Variants in LRRC4C observed in about 807,000 individuals in gnomAD.
The protein encoded by LRRC4C is leucine rich repeat containing 4C.
In LRRC4C, 5 loss-of-function variants were observed where a neutral mutation model predicts 33.6. The observed-to-expected ratio is 0.15, with a 90% CI of 0.08 to 0.31. The LOEUF (loss-of-function observed/expected upper bound fraction) is 0.31, where lower values mean the gene tolerates loss of function less well. Ranked by LOEUF, LRRC4C falls within the 10% of genes least tolerant of loss-of-function variation. The pLI is 1.00. For synonymous variants in LRRC4C, 329 were observed against 302.0 expected (o/e 1.09, Z -0.93); for missense variants, 560 against 796.7 (o/e 0.70, Z 3.58).
chr11:40,838,227 G>C (rs1952762086), intron 2 of LRRC4C, among the ~76,000 whole-genome samples: 1 of 152,150 alleles, frequency 6.6e-6, no homozygotes, highest in African/African-American at 2.4e-5. Context: ...GAGAGGAATA[G>C]GTCCATGTGT....
intron 2 of LRRC4C, among the ~76,000 whole-genome samples, chr11:40,680,604 C>T (rs1023183883): frequency 5.3e-5 from 8 of 152,156 alleles, no homozygotes; most frequent in African/African-American, 1.9e-4. Context: ...ATGAGTTTCT[C>T]TGCACAAGCT....
At chr11:40,451,112 A>G (rs1478564280) in intron 3 of LRRC4C, among the ~76,000 whole-genome samples, 2 of 151,812 alleles carry the variant, frequency 1.3e-5, no homozygotes, top group African/African-American at 4.8e-5. Flanking sequence ...ACAATGAAAA[A>G]AAACCTAGAA....
rs1564980382 is a variant in LRRC4C, at chr11:40,725,694, A to G, written c.-406-77416T>C. Among the ~76,000 whole-genome samples, 7 of 152,346 alleles carry G rather than the reference A, an allele frequency of 4.6e-5. 1 individual carries two copies. The South Asian group carries it at 1.4e-3, about 32-fold the overall frequency. On this transcript the variant is annotated intron_variant, in intron 2 of 6. Transcript: ENST00000528697. Reference sequence around the variant, plus strand: ...CATATAATGCATAAAGAAACATGTTATCAAACTGCACAGCTGTTAAAAGTT... The same window carrying G: ...CATATAATGCATAAAGAAACATGTTGTCAAACTGCACAGCTGTTAAAAGTT...
chr11:40,948,461 C>A (rs1849017234), intron 1 of LRRC4C, among the ~76,000 whole-genome samples: 1 of 150,518 alleles, frequency 6.6e-6, no homozygotes, highest in South Asian at 2.1e-4. Context: ...TGGTGCGCTG[C>A]ACCCACTAAC....
At chr11:41,029,598 A>G (rs1031599030) in intron 1 of LRRC4C, among the ~76,000 whole-genome samples, 1 of 151,788 alleles carries the variant, frequency 6.6e-6, no homozygotes, top group Non-Finnish European at 1.5e-5. Context: ...TTGTAATTAC[A>G]TTAGCTTTGG....
rs186039347 is a variant in LRRC4C at position 40,330,606 on chromosome 11, T to G, written c.-269-10885A>C. ...TGGGGAGGACTCAGGAAACTTACTA[T>G]CATGGCGGAAGGCACCTCTTCACAG... On this transcript the variant is annotated intron_variant, in intron 3 of 6. Transcript: ENST00000528697. Among the ~76,000 whole-genome samples, 321 of 152,240 alleles carry G rather than the reference T, an allele frequency of 2.1e-3. 1 individual carries two copies. Among genetic ancestry groups the G allele is most frequent in the African/African-American group, 7.4e-3 (309 of 41,534 alleles).
At chr11:40,321,815 T>C (rs935113865) in intron 3 of LRRC4C, among the ~76,000 whole-genome samples, 2 of 152,228 alleles carry the variant, frequency 1.3e-5, no homozygotes, top group African/African-American at 2.4e-5. Flanking sequence ...ATTTCAATTG[T>C]ATGTTCAGGG....
intron 2 of LRRC4C, among the ~76,000 whole-genome samples, chr11:40,871,597 G>A (rs1005467511): frequency 2.6e-5 from 4 of 152,066 alleles, no homozygotes; most frequent in African/African-American, 9.7e-5. Flanking sequence ...TTTTGTATCC[G>A]TTTATGCACA....
intron 1 of LRRC4C, among the ~76,000 whole-genome samples, chr11:41,167,944 C>A (rs947021265): frequency 1.3e-5 from 2 of 152,146 alleles, no homozygotes; most frequent in Non-Finnish European, 2.9e-5. Context: ...AATTGACTAC[C>A]TGATAAAAAT....
chr11:40,893,704 G>T (rs1185555254), intron 2 of LRRC4C, among the ~76,000 whole-genome samples: 1 of 151,866 alleles, frequency 6.6e-6, no homozygotes, highest in Admixed American at 6.6e-5. Context: ...ACCAAATTAT[G>T]GTCACGGAAG....
intron 3 of LRRC4C, chr11:40,446,435 C>T (rs925243789): frequency 3.4e-4 from 51 of 152,224 alleles, no homozygotes; most frequent in African/African-American, 9.4e-4. Flanking sequence ...TAAAATTATA[C>T]GTTTCCTTTT....
intron 2 of LRRC4C, among the ~76,000 whole-genome samples, chr11:40,809,861 A>C (rs1389660210): frequency 2.0e-5 from 3 of 152,126 alleles, no homozygotes; most frequent in Admixed American, 2.0e-4. Flanking sequence ...CCTCATTTTG[A>C]CTTTCATTTT....
chr11:41,080,715 TTTGA>T, intron 1 of LRRC4C, among the ~76,000 whole-genome samples: 1 of 152,292 alleles, frequency 6.6e-6, no homozygotes, highest in Middle Eastern at 3.4e-3. Context: ...TATCACTATC[TTTGA>T]TTAAGGCTAA....
At chr11:40,185,383 C>T (rs1020440279) in intron 5 of LRRC4C, among the ~76,000 whole-genome samples, 2 of 152,060 alleles carry the variant, frequency 1.3e-5, no homozygotes, top group Admixed American at 6.5e-5. Context: ...GATTCAAGAG[C>T]CCAAGAAACT....
intron 3 of LRRC4C, among the ~76,000 whole-genome samples, chr11:40,532,913 T>C (rs1375475548): frequency 6.6e-6 from 1 of 152,064 alleles, no homozygotes; most frequent in African/African-American, 2.4e-5. Context: ...GCAAGGCACC[T>C]TCTTCACAAG....
intron 2 of LRRC4C, among the ~76,000 whole-genome samples, chr11:40,832,573 G>A (rs1293584727): frequency 1.3e-5 from 2 of 152,004 alleles, no homozygotes. Context: ...TTCAGTCTTA[G>A]TTAATGATGA....
At position 41,389,782 on chromosome 11, in the gene LRRC4C, C is replaced by T. The variant is rs555704395; in HGVS notation, c.-496+69649G>A. 1.7e-4 allele frequency among the ~76,000 whole-genome samples: 26 copies of T among 151,866 alleles called. No individual in the cohort carries two copies. The South Asian group carries it at 3.3e-3, about 19-fold the overall frequency. On this transcript the variant is annotated intron_variant, in intron 1 of 6. Coordinates refer to ENST00000528697, the MANE Select transcript of LRRC4C (RefSeq NM_001258419.2). The stretch of plus-strand genomic sequence containing the variant: ...CTGGGCAAACACATAACCAAGGCTC[C>T]GCTAATTAAAAGTCTGATTCCCCAC...
rs376493015 is a variant in LRRC4C at position 40,517,418 on chromosome 11, T to C, written c.-270+130724A>G. Among the ~76,000 whole-genome samples the C allele has an allele frequency of 1.8e-4, 28 of 152,258 alleles. No homozygotes were observed. In the East Asian group the frequency reaches 3.9e-3, roughly 21 times the overall value. On this transcript the variant is annotated intron_variant, in intron 3 of 6. Transcript: ENST00000528697. ...GGTAATTTGGAATGTTTAGAAACAC[T>C]GAGGCTAATTAAGAGGACAGCGGAA... is the stretch of plus-strand genomic sequence containing the variant.
At chr11:40,479,228 A>G (rs908777443) in intron 3 of LRRC4C, among the ~76,000 whole-genome samples, 2 of 152,192 alleles carry the variant, frequency 1.3e-5, no homozygotes, top group African/African-American at 4.8e-5. Context: ...TAATTTAATA[A>G]TATTATTTGG....
Sources: gnomAD v4.1 joint callset for allele counts (sites outside exome capture counted in the v4.1 genomes callset) on GRCh38, gnomAD v4.1.1 for gene constraint, MANE v1.5 for transcripts, NCBI Gene and HGNC (gene_info 2026-07-23, HGNC 2026-07-21) for gene names.